Variants in MED23 observed in about 807,000 individuals in gnomAD.
MED23 encodes the protein mediator of RNA polymerase II transcription subunit 23.
MED23 carries 105 observed loss-of-function variants against 163.9 expected under a neutral mutation model. The observed-to-expected ratio is 0.64, with a 90% CI of 0.55 to 0.75. The LOEUF (loss-of-function observed/expected upper bound fraction) is 0.75. Among genes scored for constraint, MED23 ranks in the 30% least tolerant of loss-of-function variants. The pLI is 0.00. For missense variants in MED23, 1,054 were observed against 1,649.0 expected, an observed-to-expected ratio of 0.64 and a Z score of 6.25; for synonymous variants, 561 against 565.6, an observed-to-expected ratio of 0.99 and a Z score of 0.12.
chr6:131,605,472 T>C lies in MED23; in HGVS notation c.1381A>G (p.Ser461Gly). Reference protein sequence around the residue: ...LRLHHEFLQQSLRNKSLQMND... With the variant: ...LRLHHEFLQQGLRNKSLQMND... ...ATCTGTAAACTTTTATTTCTTAGACTCTGCTGCAGGAACCTAAATATTCAC... is the reference window on the plus strand; with the variant it reads ...ATCTGTAAACTTTTATTTCTTAGACCCTGCTGCAGGAACCTAAATATTCAC... The change falls in exon 14 of 29, where the codon AGT becomes GGT. Residue 461 changes from serine to glycine, a missense_variant. Coordinates refer to ENST00000368068, the MANE Select transcript of MED23 (RefSeq NM_004830.4). 1 of 1,590,040 alleles carries C rather than the reference T, an allele frequency of 6.3e-7. No individual in the cohort carries two copies. The highest frequency in any genetic ancestry group is 8.6e-7 in the Non-Finnish European group (1 of 1,167,890).
chr6:131,619,740 T>C, intron 8 of MED23, 87 bp downstream of exon 8: 1 of 1,007,274 alleles, frequency 9.9e-7, no homozygotes, highest in Admixed American at 1.7e-5. Flanking sequence ...CCAAGGCACA[T>C]ATTAAGAGAA....
intron 4 of MED23, 55 bp from the exon 5 acceptor site, chr6:131,623,517 T>G: frequency 3.6e-6 from 5 of 1,379,590 alleles, no homozygotes; most frequent in South Asian, 1.2e-5. Context: ...CCAAGTTCTC[T>G]AATAGCCGCC....
rs369178622 is a variant in MED23 at position 131,625,007 on chromosome 6, G to A, written c.160-18C>T. On this transcript the variant is annotated intron_variant, in intron 3 of 28. Coordinates refer to ENST00000368068, the MANE Select transcript of MED23 (RefSeq NM_004830.4). ...TGAGACTCCTGGAAAATGAGAGAAT[G>A]ATTTTACTTGGGGTCTAAAGTTACA... The A allele has an allele frequency of 3.1e-6, 5 of 1,612,482 alleles. No homozygotes were observed. Among genetic ancestry groups the A allele is most frequent in the Non-Finnish European group, 4.2e-6 (5 of 1,179,570 alleles).
At chr6:131,582,986 TA>T, downstream of MED23, 1 of 1,034,222 alleles carries the variant, frequency 9.7e-7, no homozygotes. Context: ...ACTATATTTA[TA>T]TTTCCCTTAA....
At chr6:131,605,582 TTAA>T in intron 13 of MED23, 97 bp from the exon 14 acceptor site, 1 of 1,118,060 alleles carries the variant, frequency 8.9e-7, no homozygotes, top group Non-Finnish European at 1.2e-6. Flanking sequence ...CAATTATTTA[TTAA>T]TGCTATCTTT....
At chr6:131,601,358 C>T (rs1329302287) in intron 17 of MED23, among the ~76,000 whole-genome samples, 1 of 152,060 alleles carries the variant, frequency 6.6e-6, no homozygotes, top group Non-Finnish European at 1.5e-5. Flanking sequence ...GCTAGATCTA[C>T]GTAACTCAGT....
downstream of MED23, chr6:131,582,745 C>T: frequency 6.3e-7 from 1 of 1,597,842 alleles, no homozygotes; most frequent in Non-Finnish European, 8.6e-7. Flanking sequence ...TGATTTGCCT[C>T]CATTTTTGTC....
chr6:131,581,423 T>C, intron 30 of MED23: 1 of 1,572,000 alleles, frequency 6.4e-7, no homozygotes, highest in Non-Finnish European at 8.7e-7. Flanking sequence ...TACTTTTTAG[T>C]AGACATTCAG....
intron 13 of MED23, 141 bp downstream of exon 13, chr6:131,606,338 C>G (rs1775853268): frequency 1.3e-6 from 1 of 768,738 alleles, no homozygotes; most frequent in Non-Finnish European, 2.2e-6. Context: ...CCTGCTATGA[C>G]ATATACATCA....
At chr6:131,574,322 A>G (rs780037541) in intron 30 of MED23, 1 of 1,613,858 alleles carries the variant, frequency 6.2e-7, no homozygotes, top group Admixed American at 1.7e-5. Context: ...GAGAGGCCAG[A>G]GGTTAGAGGC....
intron 10 of MED23, 164 bp downstream of exon 10, chr6:131,615,743 A>G (rs1411410425): frequency 4.5e-6 from 3 of 670,146 alleles, no homozygotes; most frequent in African/African-American, 3.6e-5. Context: ...TTAAAGCAAT[A>G]TATAAATGAT....
chr6:131,615,374 G>A (rs1776600294), intron 10 of MED23: 7 of 1,604,954 alleles, frequency 4.4e-6, no homozygotes, highest in Non-Finnish European at 5.1e-6. Context: ...GGACAAGACA[G>A]GACAGAACAA....
chr6:131,615,860 T>G (rs775285996), intron 10 of MED23, 47 bp downstream of exon 10: 6 of 1,360,312 alleles, frequency 4.4e-6, no homozygotes, highest in Non-Finnish European at 2.1e-6. Flanking sequence ...AAAAGAATAG[T>G]GCAGATTCTA....
rs148431716 is a variant in MED23 at position 131,590,405 on chromosome 6, C to T, written c.3724G>A (p.Glu1242Lys). The T allele has an allele frequency of 4.4e-6, 7 of 1,607,740 alleles. No homozygotes were observed. The African/African-American group carries it at 6.7e-5, about 15-fold the overall frequency. ...TGGTATACATAAAGCAACTGGAATT[C>T]GGTCTTCACTATAGGAAGAAGTACT... ...TEVLLPIVKT[E>K]FQLLYVYHLV... The change falls in exon 27 of 29, where the codon GAA (glutamate) becomes AAA (lysine). Residue 1242 changes from glutamate to lysine, a missense_variant. By Grantham distance (56) the Glu-to-Lys change is moderately conservative. Transcript: ENST00000368068.
chr6:131,609,681 G>GTGTA (rs1776128183), intron 11 of MED23, among the ~76,000 whole-genome samples: 1 of 147,104 alleles, frequency 6.8e-6, no homozygotes, highest in Non-Finnish European at 1.5e-5. Context: ...TTGTGTGTGT[G>GTGTA]TGTATGTATA....
At chr6:131,592,603 T>C (rs1449220423) in intron 24 of MED23, 143 bp from the exon 25 acceptor site, 2 of 754,840 alleles carry the variant, frequency 2.6e-6, no homozygotes, top group Non-Finnish European at 4.5e-6. Flanking sequence ...GAATTTTTTA[T>C]TGAATAAAAA....
At chr6:131,595,893 T>A in intron 22 of MED23, 54 bp downstream of exon 22, 2 of 1,333,400 alleles carry the variant, frequency 1.5e-6, no homozygotes, top group South Asian at 2.3e-5. Flanking sequence ...GTCCTGCCCA[T>A]CCTACTTTTG....
chr6:131,587,852 A>G lies in MED23; in HGVS notation c.3940-6T>C, dbSNP rs1774284962. 1.2e-6 allele frequency: 2 copies of G among 1,608,000 alleles called. No individual in the cohort carries two copies. Among genetic ancestry groups the G allele is most frequent in the African/African-American group, 2.7e-5 (2 of 74,846 alleles). On this transcript the variant is annotated splice_region_variant and splice_polypyrimidine_tract_variant and intron_variant, in intron 28 of 28. Coordinates refer to ENST00000368068, the MANE Select transcript of MED23 (RefSeq NM_004830.4). ...TTACAGATAATCTTCTCTACCTAAGAAATAAAAACACATTAAAACGTACTT... is the reference window on the plus strand; with the variant it reads ...TTACAGATAATCTTCTCTACCTAAGGAATAAAAACACATTAAAACGTACTT...
rs192486412 is a variant in MED23 at position 131,578,838 on chromosome 6, C to T, written c.4096-4543G>A. Among the ~76,000 whole-genome samples, 86 of 152,230 alleles carry T rather than the reference C, an allele frequency of 5.6e-4. No individual in the cohort carries two copies. The East Asian group carries it at 0.014, about 25-fold the overall frequency. ...TATTAAGCCCAAACCAGAAGATTAT[C>T]ACTGTTACATTTTGGTGTCTAGTTT... On this transcript the variant is annotated intron_variant, in intron 30 of 30. Transcript: ENST00000354577.
Sources: allele counts gnomAD v4.1 joint callset (sites outside exome capture counted in the v4.1 genomes callset), GRCh38; gene constraint gnomAD v4.1.1; transcripts MANE v1.5; gene names NCBI Gene and HGNC (gene_info 2026-07-23, HGNC 2026-07-21).